ACBD6: variants seen among roughly 807,000 people sequenced by gnomAD.
The protein encoded by ACBD6 is acyl-CoA binding domain containing 6.
In ACBD6, 28 loss-of-function variants were observed where a neutral mutation model predicts 37.2. The ratio of observed to expected loss-of-function variants is 0.75; its 90% CI spans 0.56 to 1.03. ACBD6 has a LOEUF of 1.03. ACBD6 is among the 50% of genes least tolerant of loss of function. The pLI, the probability that ACBD6 is intolerant of heterozygous loss-of-function variation, is 0.00. For missense variants in ACBD6, 340 were observed against 337.4 expected (o/e 1.01, Z -0.06); for synonymous variants, 113 against 126.8 (o/e 0.89, Z 0.73).
intron 5 of ACBD6, among the ~76,000 whole-genome samples, chr1:180,404,429 C>T (rs1341501201): frequency 6.6e-6 from 1 of 152,044 alleles, no homozygotes; most frequent in African/African-American, 2.4e-5. Flanking sequence ...TGAGCCACTA[C>T]ACTTGGCTCA....
At chr1:180,501,461 G>A (rs1318161997) in intron 1 of ACBD6, among the ~76,000 whole-genome samples, 1 of 152,130 alleles carries the variant, frequency 6.6e-6, no homozygotes, top group Non-Finnish European at 1.5e-5. Flanking sequence ...CCGAGTAGCT[G>A]GGATTACAGG....
intron 7 of ACBD6, among the ~76,000 whole-genome samples, chr1:180,308,173 C>A (rs1425588173): frequency 6.6e-6 from 1 of 152,092 alleles, no homozygotes; most frequent in Non-Finnish European, 1.5e-5. Flanking sequence ...CTATTTGGTT[C>A]TCTTCCAAAT....
Position 180,471,029 on chromosome 1 carries a change from T to C in ACBD6, c.384+21240A>G, listed in dbSNP as rs529298224. Among the ~76,000 whole-genome samples the C allele has an allele frequency of 1.7e-4, 26 of 152,322 alleles. 1 individual carries two copies. The highest frequency in any genetic ancestry group is 6.3e-4 in the African/African-American group (26 of 41,576). On this transcript the variant is annotated intron_variant, in intron 3 of 7. Transcript: ENST00000367595. ...CTGTGAATATAACATAAATAGAAAT[T>C]TGCAACTTAAGAATTTGTTCTTCTG...
intron 3 of ACBD6, among the ~76,000 whole-genome samples, chr1:180,459,813 A>G (rs1290082909): frequency 6.6e-6 from 1 of 152,156 alleles, no homozygotes; most frequent in Non-Finnish European, 1.5e-5. Flanking sequence ...AATTTTACAA[A>G]GGGAAAATAT....
chr1:180,457,637 C>T (rs546624774), intron 3 of ACBD6, among the ~76,000 whole-genome samples: 17 of 152,120 alleles, frequency 1.1e-4, no homozygotes, highest in Middle Eastern at 3.4e-3. Context: ...GAGCAAGAGG[C>T]TAACATGAAT....
At chr1:180,430,843 GT>G (rs952465965) in intron 3 of ACBD6, among the ~76,000 whole-genome samples, 13 of 152,078 alleles carry the variant, frequency 8.5e-5, no homozygotes, top group African/African-American at 3.1e-4. Context: ...GCCCCTCTAT[GT>G]TCTCAAAACA....
At chr1:180,404,270 G>A (rs1647509834) in intron 5 of ACBD6, among the ~76,000 whole-genome samples, 1 of 151,768 alleles carries the variant, frequency 6.6e-6, no homozygotes, top group Non-Finnish European at 1.5e-5. Flanking sequence ...TTTCAATTGG[G>A]GAAGATAAAA....
rs1571564506 is a variant in ACBD6 at position 180,480,437 on chromosome 1, A to G, written c.384+11832T>C. Reference sequence around the variant, plus strand: ...AGCAGTAAGAAAAGATTCAGGGATCACTGCTAGGTTTCTCACTTGAATGAA... The same window carrying G: ...AGCAGTAAGAAAAGATTCAGGGATCGCTGCTAGGTTTCTCACTTGAATGAA... On this transcript the variant is annotated intron_variant, in intron 3 of 7. Transcript: ENST00000367595. 2.0e-5 allele frequency among the ~76,000 whole-genome samples: 3 copies of G among 152,350 alleles called. No homozygotes were observed. The East Asian group carries it at 5.8e-4, about 29-fold the overall frequency.
chr1:180,363,659 C>T (rs1652926900), intron 6 of ACBD6, among the ~76,000 whole-genome samples: 5 of 152,114 alleles, frequency 3.3e-5, no homozygotes, highest in Admixed American at 3.3e-4. Flanking sequence ...GCAGCAGCTT[C>T]TCAGAGTTAA....
chr1:180,350,022 CCTTTTTTTTT>C (rs1364013653), intron 6 of ACBD6, among the ~76,000 whole-genome samples: 5 of 131,516 alleles, frequency 3.8e-5, no homozygotes, highest in East Asian at 2.2e-4. Flanking sequence ...CTCCAGTGAC[CCTTTTTTTTT>C]TTTTTTTTTT....
intron 6 of ACBD6, among the ~76,000 whole-genome samples, chr1:180,332,129 C>T (rs907084089): frequency 9.2e-5 from 14 of 152,180 alleles, no homozygotes; most frequent in African/African-American, 2.4e-4. Context: ...TTCTCCCCTA[C>T]AGGTTTCAGA....
At chr1:180,487,522 G>T (rs1651319477) in intron 3 of ACBD6, among the ~76,000 whole-genome samples, 1 of 152,070 alleles carries the variant, frequency 6.6e-6, no homozygotes, top group South Asian at 2.1e-4. Flanking sequence ...TCCCTTCAAG[G>T]TTATCAGATC....
chr1:180,282,227 T>TA (rs1354675177), intron 8 of ACBD6, among the ~76,000 whole-genome samples: 3 of 152,096 alleles, frequency 2.0e-5, no homozygotes, highest in Non-Finnish European at 4.4e-5. Context: ...GAGGCTTTTT[T>TA]AAAAAAATTA....
chr1:180,315,340 A>G (rs1650757425), intron 6 of ACBD6, among the ~76,000 whole-genome samples: 1 of 152,212 alleles, frequency 6.6e-6, no homozygotes, highest in Non-Finnish European at 1.5e-5. Context: ...AAAACTATAT[A>G]TACTATTAAT....
At chr1:180,353,785 C>CAAAAA (rs56286672) in intron 6 of ACBD6, among the ~76,000 whole-genome samples, 687 of 19,444 alleles carry the variant, frequency 0.035, 114 homozygotes, top group African/African-American at 0.14. Flanking sequence ...TTAACAACCA[C>CAAAAA]AAAAAAAAAA....
At chr1:180,320,963 T>C (rs1217881844) in intron 6 of ACBD6, among the ~76,000 whole-genome samples, 1 of 152,206 alleles carries the variant, frequency 6.6e-6, no homozygotes, top group Non-Finnish European at 1.5e-5. Flanking sequence ...GGTTTGACTT[T>C]TGTACATGGT....
At chr1:180,343,332 C>A (rs1397337811) in intron 6 of ACBD6, among the ~76,000 whole-genome samples, 1 of 152,038 alleles carries the variant, frequency 6.6e-6, no homozygotes, top group Admixed American at 6.5e-5. Flanking sequence ...AAGCAATATA[C>A]ATAAATGATA....
intron 3 of ACBD6, among the ~76,000 whole-genome samples, chr1:180,476,923 A>G (rs1224643484): frequency 1.3e-5 from 2 of 152,202 alleles, no homozygotes; most frequent in Non-Finnish European, 2.9e-5. Context: ...TCCAATGAAT[A>G]TATCAGATTA....
At position 180,305,180 on chromosome 1, in the gene ACBD6, T is replaced by C. The variant is rs151080477; in HGVS notation, c.694+9512A>G. 1.5e-3 allele frequency among the ~76,000 whole-genome samples: 232 copies of C among 152,272 alleles called. 3 individuals carry two copies. The East Asian group carries it at 0.035, about 23-fold the overall frequency. ...AACCTAGGCAATACCATTCAGGACA[T>C]AGGCATGGGCAAGGACTTCATGTCT... is the stretch of plus-strand genomic sequence containing the variant. On this transcript the variant is annotated intron_variant, in intron 7 of 7. Coordinates refer to ENST00000367595, the MANE Select transcript of ACBD6 (RefSeq NM_032360.4).
Sources: gnomAD v4.1 joint callset for allele counts (sites outside exome capture counted in the v4.1 genomes callset) on GRCh38, gnomAD v4.1.1 for gene constraint, MANE v1.5 for transcripts, NCBI Gene and HGNC (gene_info 2026-07-23, HGNC 2026-07-21) for gene names.